Variants in TBC1D2 observed in about 807,000 individuals in gnomAD.
TBC1D2 encodes TBC1 domain family member 2.
A neutral mutation model predicts 91.1 loss-of-function variants in TBC1D2; 58 were observed. The ratio of observed to expected loss-of-function variants is 0.64; its 90% confidence interval spans 0.52 to 0.79. The LOEUF (loss-of-function observed/expected upper bound fraction) is 0.79, where lower values mean the gene tolerates loss of function less well. Among genes scored for constraint, TBC1D2 ranks in the 30% least tolerant of loss-of-function variants. The probability of loss-of-function intolerance (pLI) is 0.00; values close to 1 mark genes in which losing one functional copy is unlikely to be tolerated. For synonymous variants in TBC1D2, 482 were observed against 511.5 expected (o/e 0.94, Z 0.78); for missense variants, 1,080 against 1,208.3 (o/e 0.89, Z 1.57).
In TBC1D2 at chr9:98,255,237, C is replaced by G; in HGVS notation, c.305G>C (p.Cys102Ser). The G allele has an allele frequency of 6.2e-7, 1 of 1,613,968 alleles. No homozygotes were observed. The highest frequency in any genetic ancestry group is 8.5e-7 in the Non-Finnish European group (1 of 1,179,874). Residue 102 changes from cysteine (C) to serine (S), a missense_variant, in exon 1 of 13, where the codon TGT becomes TCT. By Grantham distance (112) the Cys-to-Ser change is moderately radical (BLOSUM62 -1). Transcript: ENST00000465784. ...GATCCCCTCCTCAGCGTCCGCCTTA[C>G]AGTCAAACACTGCACTGGAGAGGTC... The part of the protein sequence containing the change: ...SIDLSSAVFD[C>S]KADAEEGIFE...
At position 98,221,098 on chromosome 9, in the gene TBC1D2, G is replaced by A. The variant is rs779062675; in HGVS notation, c.1109C>T (p.Ala370Val). ...ELVRHKVRQI[A>V]ELGRRVEALE... The stretch of plus-strand genomic sequence containing the variant: ...GGCCTCCACCCGCCGGCCCAGCTCC[G>A]CGATCTGCCGCACTTTGTGCCGCAC... The change falls in exon 6 of 13, where the codon GCG becomes GTG. Residue 370 changes from alanine to valine, a missense_variant. By Grantham distance (64) the Ala-to-Val change is moderately conservative. Coordinates refer to ENST00000465784, the MANE Select transcript of TBC1D2 (RefSeq NM_001267571.2). The A allele has an allele frequency of 2.5e-6, 4 of 1,605,246 alleles. No homozygotes were observed. The highest frequency in any genetic ancestry group is 1.1e-5 in the South Asian group (1 of 90,190).
At chr9:98,254,212 T>G (rs1371411248) in intron 1 of TBC1D2, among the ~76,000 whole-genome samples, 1 of 152,200 alleles carries the variant, frequency 6.6e-6, no homozygotes, top group Non-Finnish European at 1.5e-5. Flanking sequence ...TCCTGGCACA[T>G]TCTTCTCTGA....
chr9:98,242,882 G>A (rs1268886521), intron 3 of TBC1D2, among the ~76,000 whole-genome samples: 4 of 131,990 alleles, frequency 3.0e-5, no homozygotes, highest in South Asian at 2.4e-4. Flanking sequence ...GTATGATCAT[G>A]GCTTACTGCA....
Position 98,255,247 on chromosome 9 carries a change from C to T in TBC1D2, c.295G>A (p.Val99Met). The change falls in exon 1 of 13, where the codon GTG (valine) becomes ATG (methionine). Residue 99 changes from valine (V) to methionine (M), a missense_variant. Transcript: ENST00000465784. ...PLDSIDLSSA[V>M]FDCKADAEEG... ...TCAGCGTCCGCCTTACAGTCAAACACTGCACTGGAGAGGTCGATGCTGTCC... is the reference window on the plus strand; with the variant it reads ...TCAGCGTCCGCCTTACAGTCAAACATTGCACTGGAGAGGTCGATGCTGTCC... 1.9e-6 allele frequency: 3 copies of T among 1,614,138 alleles called. No individual in the cohort carries two copies. Among genetic ancestry groups the T allele is most frequent in the Non-Finnish European group, 2.5e-6 (3 of 1,180,004 alleles).
chr9:98,210,971 C>T (rs2119036266), intron 7 of TBC1D2, 128 bp from the exon 8 acceptor site: 1 of 876,090 alleles, frequency 1.1e-6, no homozygotes, highest in Non-Finnish European at 1.7e-6. Flanking sequence ...AACTCCCAGA[C>T]CTTCGTATAA....
rs377259581 is a variant in TBC1D2 at position 98,244,129 on chromosome 9, C to T, written c.512G>A (p.Gly171Glu). 3.1e-5 allele frequency: 50 copies of T among 1,613,002 alleles called. No homozygotes were observed. In the African/African-American group the frequency reaches 6.3e-4, roughly 20 times the overall value. Residue 171 changes from glycine to glutamate, a missense_variant and splice_region_variant, in exon 3 of 13, where the codon GGG (glycine) becomes GAG (glutamate). Gly to Glu is a moderately conservative substitution (Grantham distance 98). Transcript: ENST00000465784. The part of the protein sequence containing the change: ...GNGPVLHLEL[G>E]QEEAELEEFL... ...CTCCTCCAGCTCTGCCTCTTCTTGC[C>T]CTGGGAACAAAGAAAAGGGAAATCC...
At chr9:98,209,592 G>A (rs930821381) in intron 8 of TBC1D2, among the ~76,000 whole-genome samples, 1 of 152,160 alleles carries the variant, frequency 6.6e-6, no homozygotes, top group African/African-American at 2.4e-5. Context: ...GGACAGCTGG[G>A]GACCCGTTCC....
At chr9:98,222,302 T>C (rs1829118965) in intron 5 of TBC1D2, among the ~76,000 whole-genome samples, 1 of 152,162 alleles carries the variant, frequency 6.6e-6, no homozygotes, top group Non-Finnish European at 1.5e-5. Context: ...ATTCTCAATA[T>C]AGCAGCCAGT....
At chr9:98,253,876 G>A (rs1829919500) in intron 1 of TBC1D2, among the ~76,000 whole-genome samples, 1 of 152,110 alleles carries the variant, frequency 6.6e-6, no homozygotes, top group African/African-American at 2.4e-5. Context: ...GAGAACCAGG[G>A]GTGGGGGTGC....
In TBC1D2 at chr9:98,233,405, C is replaced by T. The variant is rs1475429506; in HGVS notation, c.781+11G>A. On this transcript the variant is annotated intron_variant, in intron 4 of 12. Coordinates refer to ENST00000465784, the MANE Select transcript of TBC1D2 (RefSeq NM_001267571.2). ...TCCCTGAAGGCAGCTCAGCCCTGGA[C>T]AGAGGCTCACCTGGGGTGCTGGCGT... 1.2e-6 allele frequency: 2 copies of T among 1,612,710 alleles called. No homozygotes were observed. Among genetic ancestry groups the T allele is most frequent in the Non-Finnish European group, 1.7e-6 (2 of 1,179,290 alleles).
chr9:98,203,452 C>A, intron 9 of TBC1D2, 44 bp from the exon 10 acceptor site: 1 of 1,607,656 alleles, frequency 6.2e-7, no homozygotes, highest in Non-Finnish European at 8.5e-7. Context: ...GAAGCCGTGG[C>A]CCTGCCAGGC....
chr9:98,249,898 T>C (rs911130484), intron 2 of TBC1D2, among the ~76,000 whole-genome samples: 1 of 152,166 alleles, frequency 6.6e-6, no homozygotes, highest in African/African-American at 2.4e-5. Context: ...TGTATTGACT[T>C]ACACATTCAT....
chr9:98,203,251 C>T, intron 10 of TBC1D2, 37 bp downstream of exon 10: 1 of 1,612,668 alleles, frequency 6.2e-7, no homozygotes. Context: ...GGGCACTGCC[C>T]TACATGGCTG....
chr9:98,237,926 CAG>C (rs1195792332), intron 3 of TBC1D2, among the ~76,000 whole-genome samples: 1 of 126,032 alleles, frequency 7.9e-6, no homozygotes, highest in Non-Finnish European at 1.7e-5. Context: ...TTTTTTGAGA[CAG>C]AGTCTCACTC....
intron 1 of TBC1D2, among the ~76,000 whole-genome samples, chr9:98,254,611 T>C (rs551460685): frequency 1.3e-5 from 2 of 152,314 alleles, no homozygotes; most frequent in South Asian, 2.1e-4. Flanking sequence ...TTGCTGCTGA[T>C]AGGAAAACAG....
intron 4 of TBC1D2, among the ~76,000 whole-genome samples, chr9:98,232,955 T>C (rs1399340976): frequency 1.3e-5 from 2 of 152,190 alleles, no homozygotes; most frequent in Non-Finnish European, 2.9e-5. Context: ...GTAGCTGGAA[T>C]TGTAGGCACT....
At chr9:98,234,363 A>ATAATGAGC (rs1304703318) in intron 3 of TBC1D2, among the ~76,000 whole-genome samples, 1 of 152,224 alleles carries the variant, frequency 6.6e-6, no homozygotes, top group African/African-American at 2.4e-5. Flanking sequence ...AGAGAAGTTC[A>ATAATGAGC]TAATGAGCTG....
intron 6 of TBC1D2, among the ~76,000 whole-genome samples, chr9:98,220,276 C>T (rs1484876795): frequency 6.6e-6 from 1 of 152,194 alleles, no homozygotes; most frequent in Non-Finnish European, 1.5e-5. Context: ...AGCACACCAG[C>T]GGCTGCCTCA....
intron 12 of TBC1D2, among the ~76,000 whole-genome samples, 174 bp from the exon 13 acceptor site, chr9:98,199,762 A>C (rs41283612): frequency 6.6e-6 from 1 of 152,302 alleles, no homozygotes; most frequent in Non-Finnish European, 1.5e-5. Context: ...ATATGTACTG[A>C]GGCAGGAGGA....
Sources: gnomAD v4.1 joint callset for allele counts (sites outside exome capture counted in the v4.1 genomes callset) on GRCh38, gnomAD v4.1.1 for gene constraint, MANE v1.5 for transcripts, NCBI Gene and HGNC (gene_info 2026-07-23, HGNC 2026-07-21) for gene names.